PSMF1: variants seen among roughly 807,000 people sequenced by gnomAD.
PSMF1 encodes proteasome inhibitor PI31 subunit.
Under a neutral mutation model 29.3 loss-of-function variants are expected in PSMF1, and 30 were observed. The observed-to-expected ratio is 1.02, with a 90% CI of 0.77 to 1.39. PSMF1 has a LOEUF of 1.39. PSMF1 is among the 40% of genes most tolerant of loss of function. The pLI is 0.00. For synonymous variants in PSMF1, 134 were observed against 139.7 expected, an observed-to-expected ratio of 0.96 and a Z score of 0.29; for missense variants, 344 against 357.5, an observed-to-expected ratio of 0.96 and a Z score of 0.31.
chr20:1,165,735 A>T lies in PSMF1; in HGVS notation c.*655A>T. 1 of 1,010,568 alleles carries T rather than the reference A, an allele frequency of 9.9e-7. No individual in the cohort carries two copies. The highest frequency in any genetic ancestry group is 4.2e-5 in the South Asian group (1 of 23,874). 62.6% of individuals were successfully genotyped at this position (1,010,568 alleles called of 1,614,324 possible). Reference sequence around the variant, plus strand: ...ACAAGGGCAGGAACATTGTGGAAAGACTGCATCATTCTGATGAGGCAAAAT... The same window carrying T: ...ACAAGGGCAGGAACATTGTGGAAAGTCTGCATCATTCTGATGAGGCAAAAT... On this transcript the variant is annotated 3_prime_UTR_variant, in exon 7 of 7. Transcript: ENST00000335877.
chr20:1,165,143 C>A lies in PSMF1; in HGVS notation c.*63C>A. On this transcript the variant is annotated 3_prime_UTR_variant, in exon 7 of 7. Coordinates refer to ENST00000335877, the MANE Select transcript of PSMF1 (RefSeq NM_006814.5). ...TCTCCTGGAGCTGCCACCGCTGTCCCCATCAGCAACCATGTTCTTGCAGGC... is the reference window on the plus strand; with the variant it reads ...TCTCCTGGAGCTGCCACCGCTGTCCACATCAGCAACCATGTTCTTGCAGGC... The A allele has an allele frequency of 1.2e-6, 2 of 1,613,128 alleles. No homozygotes were observed. The highest frequency in any genetic ancestry group is 8.5e-7 in the Non-Finnish European group (1 of 1,179,428).
Position 1,145,956 on chromosome 20 carries a change from C to T in PSMF1, c.551+10650C>T, listed in dbSNP as rs570108391. Among the ~76,000 whole-genome samples, 54 of 152,216 alleles carry T rather than the reference C, an allele frequency of 3.5e-4. 1 individual carries two copies. The highest frequency in any genetic ancestry group is 1.2e-3 in the African/African-American group (49 of 41,562). On this transcript the variant is annotated intron_variant, in intron 4 of 6. Coordinates refer to ENST00000335877, the MANE Select transcript of PSMF1 (RefSeq NM_006814.5). ...GCCAAGATTACTGGCTTTTTTCAAG[C>T]GCATATTTTCTTTGCTCTGTGTTTT...
chr20:1,145,585 G>A (rs556879808), intron 4 of PSMF1, among the ~76,000 whole-genome samples: 32 of 152,174 alleles, frequency 2.1e-4, no homozygotes, highest in Non-Finnish European at 3.5e-4. Flanking sequence ...GGCAGGGGTC[G>A]TTAAGTGGGT....
At position 1,163,183 on chromosome 20, in the gene PSMF1, G is replaced by C; in HGVS notation, c.605G>C (p.Gly202Ala). 1 of 1,614,058 alleles carries C rather than the reference G, an allele frequency of 6.2e-7. No homozygotes were observed. Among genetic ancestry groups the C allele is most frequent in the Non-Finnish European group, 8.5e-7 (1 of 1,179,986 alleles). The stretch of plus-strand genomic sequence containing the variant: ...GGGGGAGAAGACTTAGACCCTTTTG[G>C]GTGAGTACTGCTGGGGAGGTGGCAG... ...VVGGEDLDPF[G>A]PRRGGMIVDP... The change falls in exon 5 of 7, where the codon GGG becomes GCG. Residue 202 changes from glycine (G) to alanine (A), a missense_variant and splice_region_variant. Coordinates refer to ENST00000335877, the MANE Select transcript of PSMF1 (RefSeq NM_006814.5). This position sits in a 1 kb window ranked among gnomAD's most constrained non-coding sequence, Gnocchi z 6.1.
intron 4 of PSMF1, among the ~76,000 whole-genome samples, chr20:1,137,525 A>C (rs1337312657): frequency 6.6e-6 from 1 of 152,230 alleles, no homozygotes; most frequent in Non-Finnish European, 1.5e-5. Flanking sequence ...GAATGAGTCA[A>C]ACAGGTGCAT....
chr20:1,118,984 C>T, intron 1 of PSMF1, 82 bp downstream of exon 1: 1 of 1,512,596 alleles, frequency 6.6e-7, no homozygotes, highest in East Asian at 2.3e-5. Flanking sequence ...GTCCAGAGCG[C>T]CCGATTTCCC....
chr20:1,165,624 C>G lies in PSMF1; in HGVS notation c.*544C>G. On this transcript the variant is annotated 3_prime_UTR_variant, in exon 7 of 7. Coordinates refer to ENST00000335877, the MANE Select transcript of PSMF1 (RefSeq NM_006814.5). ...CTTCCGTTTATTAATTGCCATTGCT[C>G]CTGACATCACTAAGATGGGTCCCCT... 2 of 996,784 alleles carry G rather than the reference C, an allele frequency of 2.0e-6. No individual in the cohort carries two copies. Among genetic ancestry groups the G allele is most frequent in the Non-Finnish European group, 2.4e-6 (2 of 836,340 alleles). 61.7% of individuals were successfully genotyped at this position (996,784 alleles called of 1,614,324 possible). A position where few individuals can be genotyped will look rare whatever the true frequency, so the allele number is the denominator to read the frequency against.
chr20:1,166,892 A>C lies in PSMF1; in HGVS notation c.*1812A>C, dbSNP rs934820454. ...AAAGGAAGTATTTAAAGGATGATAG[A>C]GACCATCAGATAGAAGCAGGGAAGG... On this transcript the variant is annotated 3_prime_UTR_variant, in exon 7 of 7. Transcript: ENST00000335877. 1 of 152,374 alleles carries C rather than the reference A, an allele frequency of 6.6e-6. No homozygotes were observed. Among genetic ancestry groups the C allele is most frequent in the Non-Finnish European group, 1.5e-5 (1 of 68,148 alleles). 9.4% of individuals were successfully genotyped at this position (152,374 alleles called of 1,614,324 possible). A position where few individuals can be genotyped will look rare whatever the true frequency, so the allele number is the denominator to read the frequency against.
chr20:1,133,565 A>T (rs1600149067), intron 3 of PSMF1, among the ~76,000 whole-genome samples: 1 of 43,958 alleles, frequency 2.3e-5, no homozygotes, highest in African/African-American at 7.4e-5. Context: ...GTATATATAT[A>T]TATATTTTTT....
At chr20:1,143,959 C>T (rs2086415990) in intron 4 of PSMF1, among the ~76,000 whole-genome samples, 1 of 152,026 alleles carries the variant, frequency 6.6e-6, no homozygotes, top group South Asian at 2.1e-4. Context: ...TGTGGTGGTG[C>T]ATGCCTGTAG....
Position 1,133,569 on chromosome 20 carries a change from ATTTTTT to A in PSMF1, c.366-1541_366-1536del, listed in dbSNP as rs1217034678. Among the ~76,000 whole-genome samples the A allele has an allele frequency of 8.4e-3, 448 of 53,324 alleles. 21 individuals carry two copies. The highest frequency in any genetic ancestry group is 0.024 in the African/African-American group (421 of 17,852). The allele number at this position is 53,324 out of a possible 152,430, so 35.0% of individuals were successfully genotyped here. On this transcript the variant is annotated intron_variant, in intron 3 of 6. Transcript: ENST00000335877. ...TCTATATATGTGTATATATATATAT[ATTTTTT>A]TTTTTTTTTTGGTGTAGTCTTTGCC...
intron 4 of PSMF1, among the ~76,000 whole-genome samples, chr20:1,136,061 T>G (rs2086302030): frequency 6.6e-6 from 1 of 152,220 alleles, no homozygotes; most frequent in South Asian, 2.1e-4. Flanking sequence ...GGTTTGCAAT[T>G]ATATGCCTTT....
At chr20:1,116,627 A>G (rs1441641050), upstream of PSMF1, among the ~76,000 whole-genome samples, 1 of 152,236 alleles carries the variant, frequency 6.6e-6, no homozygotes, top group Non-Finnish European at 1.5e-5. Context: ...CAATAAGTAT[A>G]GATTGATCCC....
In PSMF1 at chr20:1,165,136, G is replaced by T; in HGVS notation, c.*56G>T. 6.2e-7 allele frequency: 1 copy of T among 1,613,450 alleles called. No individual in the cohort carries two copies. The highest frequency in any genetic ancestry group is 8.5e-7 in the Non-Finnish European group (1 of 1,179,654). ...CCTCCATTCTCCTGGAGCTGCCACCGCTGTCCCCATCAGCAACCATGTTCT... is the reference window on the plus strand; with the variant it reads ...CCTCCATTCTCCTGGAGCTGCCACCTCTGTCCCCATCAGCAACCATGTTCT... On this transcript the variant is annotated 3_prime_UTR_variant, in exon 7 of 7. Transcript: ENST00000335877.
At position 1,135,112 on chromosome 20, in the gene PSMF1, T is replaced by C. The variant is rs2086286777; in HGVS notation, c.366-9T>C. On this transcript the variant is annotated splice_polypyrimidine_tract_variant and intron_variant, in intron 3 of 6. Transcript: ENST00000335877. ...TGCAAGCAGTTGACTCTTCATCTGC[T>C]TCCTGCAGGACCTACAAGAACAGTG... The C allele has an allele frequency of 1.2e-6, 2 of 1,614,008 alleles. No individual in the cohort carries two copies. The highest frequency in any genetic ancestry group is 3.3e-5 in the Admixed American group (2 of 60,006).
chr20:1,136,330 C>G (rs1160073224), intron 4 of PSMF1, among the ~76,000 whole-genome samples: 1 of 152,192 alleles, frequency 6.6e-6, no homozygotes, highest in Non-Finnish European at 1.5e-5. Context: ...TTACTCCCTG[C>G]ACAGTGCTCT....
chr20:1,126,955 C>G (rs1213861572), intron 2 of PSMF1, among the ~76,000 whole-genome samples: 1 of 152,146 alleles, frequency 6.6e-6, no homozygotes, highest in East Asian at 1.9e-4. Flanking sequence ...AGCAGTGTCC[C>G]AAATCATGCC....
chr20:1,164,618 G>A lies in PSMF1; in HGVS notation c.764+142G>A, dbSNP rs2122618569. 1.7e-6 allele frequency: 2 copies of A among 1,156,830 alleles called. No homozygotes were observed. Among genetic ancestry groups the A allele is most frequent in the African/African-American group, 3.1e-5 (2 of 64,670 alleles). 71.7% of individuals were successfully genotyped at this position (1,156,830 alleles called of 1,614,324 possible). On this transcript the variant is annotated intron_variant, in intron 6 of 6. Coordinates refer to ENST00000335877, the MANE Select transcript of PSMF1 (RefSeq NM_006814.5). This position sits in a 1 kb window ranked among gnomAD's most constrained non-coding sequence, Gnocchi z 4.1. ...TGCCAGGAGAGTGGAGCCTCCTCCAGGGCCCTGCCTGATTTCTCCCTGGAG... is the reference window on the plus strand; with the variant it reads ...TGCCAGGAGAGTGGAGCCTCCTCCAAGGCCCTGCCTGATTTCTCCCTGGAG...
At position 1,164,613 on chromosome 20, in the gene PSMF1, CT is replaced by C; in HGVS notation, c.764+138del. The C allele has an allele frequency of 1.7e-6, 2 of 1,187,770 alleles. No individual in the cohort carries two copies. Among genetic ancestry groups the C allele is most frequent in the East Asian group, 4.9e-5 (2 of 40,778 alleles). 73.6% of individuals were successfully genotyped at this position (1,187,770 alleles called of 1,614,324 possible). On this transcript the variant is annotated intron_variant, in intron 6 of 6. Coordinates refer to ENST00000335877, the MANE Select transcript of PSMF1 (RefSeq NM_006814.5). The surrounding 1 kb of genome is among the most constrained non-coding windows in gnomAD (Gnocchi z 4.1). ...GTTGCTGCCAGGAGAGTGGAGCCTC[CT>C]CCAGGGCCCTGCCTGATTTCTCCCT...
Sources: gnomAD v4.1 joint callset for allele counts (sites outside exome capture counted in the v4.1 genomes callset) on GRCh38, gnomAD v4.1.1 for gene constraint, Gnocchi (gnomAD v3.1) non-coding constraint, MANE v1.5 for transcripts, NCBI Gene and HGNC (gene_info 2026-07-23, HGNC 2026-07-21) for gene names.